PPARGC1A: variants seen among roughly 807,000 people sequenced by gnomAD.
PPARGC1A encodes PPARG coactivator 1 alpha, also known as peroxisome proliferator-activated receptor gamma coactivator 1-alpha.
Under a neutral mutation model 88.7 loss-of-function variants are expected in PPARGC1A, and 25 were observed. The observed-to-expected ratio is 0.28, with a 90% CI of 0.21 to 0.39. The LOEUF (loss-of-function observed/expected upper bound fraction) is 0.39, where lower values mean the gene tolerates loss of function less well. Among genes scored for constraint, PPARGC1A ranks in the 10% least tolerant of loss-of-function variants. PPARGC1A has a pLI of 1.00. For synonymous variants in PPARGC1A, 363 were observed against 355.6 expected, an observed-to-expected ratio of 1.02 and a Z score of -0.24; for missense variants, 880 against 968.7, an observed-to-expected ratio of 0.91 and a Z score of 1.22.
chr4:24,344,717 G>A, the PPARGC1A span, among the ~76,000 whole-genome samples: 1 of 151,878 alleles, frequency 6.6e-6, no homozygotes, highest in African/African-American at 2.4e-5. Context: ...TCTTTACTCT[G>A]CTGACTCTTC....
the PPARGC1A span, among the ~76,000 whole-genome samples, chr4:24,102,687 T>C: frequency 1.3e-5 from 2 of 152,180 alleles, no homozygotes; most frequent in East Asian, 1.9e-4. Flanking sequence ...TTCCACCTCA[T>C]TGGAAGACAT....
At chr4:24,289,369 G>T in the PPARGC1A span, among the ~76,000 whole-genome samples, 1 of 152,124 alleles carries the variant, frequency 6.6e-6, no homozygotes, top group Non-Finnish European at 1.5e-5. Context: ...ACTCTCAGGG[G>T]AGAGCTGAAC....
chr4:24,057,785 A>G, the PPARGC1A span, among the ~76,000 whole-genome samples: 1 of 152,242 alleles, frequency 6.6e-6, no homozygotes, highest in Non-Finnish European at 1.5e-5. Flanking sequence ...TGGAAGCTCA[A>G]TACAGGTAGC....
chr4:24,414,602 C>A, the PPARGC1A span, among the ~76,000 whole-genome samples: 1 of 152,160 alleles, frequency 6.6e-6, no homozygotes, highest in African/African-American at 2.4e-5. Flanking sequence ...AATACTGAGT[C>A]CTGACCCCAA....
the PPARGC1A span, among the ~76,000 whole-genome samples, chr4:23,924,093 C>T: frequency 6.6e-6 from 1 of 152,208 alleles, no homozygotes; most frequent in African/African-American, 2.4e-5. Context: ...TGCTGAATCA[C>T]TTACAGTGGT....
the PPARGC1A span, among the ~76,000 whole-genome samples, chr4:24,464,317 T>G: frequency 2.6e-5 from 4 of 152,264 alleles, no homozygotes; most frequent in Non-Finnish European, 5.9e-5. Context: ...GTGGTTGTTC[T>G]CATCCTAAGA....
chr4:24,176,897 T>C, the PPARGC1A span, among the ~76,000 whole-genome samples: 32 of 152,322 alleles, frequency 2.1e-4, no homozygotes, highest in African/African-American at 7.5e-4. Context: ...CTCATCTTTT[T>C]TGAAACTTAA....
At chr4:23,963,064 C>T in the PPARGC1A span, among the ~76,000 whole-genome samples, 1 of 152,126 alleles carries the variant, frequency 6.6e-6, no homozygotes, top group South Asian at 2.1e-4. Context: ...CAGTGCCTTT[C>T]CAATGGGGGC....
At chr4:23,909,310 TA>T in the PPARGC1A span, among the ~76,000 whole-genome samples, 1 of 152,160 alleles carries the variant, frequency 6.6e-6, no homozygotes, top group African/African-American at 2.4e-5. Context: ...AGATCAAATA[TA>T]ATAGTCTTTT....
chr4:24,443,722 A>ATT, the PPARGC1A span, among the ~76,000 whole-genome samples: 35,402 of 143,288 alleles, frequency 0.25, 4,981 homozygotes, highest in Non-Finnish European at 0.32. Flanking sequence ...TGCCCGGCTA[A>ATT]TTTTTTTTTT....
rs141485199 is a variant in PPARGC1A, at chr4:23,826,346, A to G, written c.758-1838T>C. Among the ~76,000 whole-genome samples, 166 of 152,270 alleles carry G rather than the reference A, an allele frequency of 1.1e-3. 2 individuals carry two copies. The East Asian group carries it at 0.028, about 25-fold the overall frequency. On this transcript the variant is annotated intron_variant, in intron 5 of 12. Coordinates refer to ENST00000264867, the MANE Select transcript of PPARGC1A (RefSeq NM_013261.5). ...TCCAGTGACTGGTAGACCAGAGACT[A>G]GTAGGATCCTTAAAGTCAGGAATGT...
chr4:24,088,211 C>T, the PPARGC1A span, among the ~76,000 whole-genome samples: 1 of 151,818 alleles, frequency 6.6e-6, no homozygotes, highest in African/African-American at 2.4e-5. Context: ...TAAAAATTAG[C>T]CAGATGTGAG....
chr4:24,422,240 A>C, the PPARGC1A span, among the ~76,000 whole-genome samples: 1 of 152,246 alleles, frequency 6.6e-6, no homozygotes, highest in African/African-American at 2.4e-5. Flanking sequence ...CATGTGGCTC[A>C]TGAAGCCTAT....
the PPARGC1A span, among the ~76,000 whole-genome samples, chr4:24,246,673 G>C: frequency 6.6e-6 from 1 of 152,154 alleles, no homozygotes; most frequent in Non-Finnish European, 1.5e-5. Context: ...TTTGGGGTAA[G>C]ATGTAAGGTT....
intron 2 of PPARGC1A, among the ~76,000 whole-genome samples, chr4:23,870,738 T>C (rs1046605932): frequency 6.6e-6 from 1 of 152,180 alleles, no homozygotes; most frequent in Admixed American, 6.5e-5. Context: ...TTAAAAACAG[T>C]GTACTTCTCA....
chr4:24,335,205 C>T, the PPARGC1A span, among the ~76,000 whole-genome samples: 2 of 152,280 alleles, frequency 1.3e-5, no homozygotes, highest in Admixed American at 1.3e-4. Flanking sequence ...CCCAAATGAG[C>T]ACATAGTATG....
the PPARGC1A span, among the ~76,000 whole-genome samples, chr4:24,282,945 G>T: frequency 6.6e-6 from 1 of 152,170 alleles, no homozygotes; most frequent in Admixed American, 6.5e-5. Flanking sequence ...ACCTTCAGGG[G>T]ACCTAACCGT....
intron 5 of PPARGC1A, 137 bp downstream of exon 5, chr4:23,828,263 T>C: frequency 1.1e-6 from 1 of 892,992 alleles, no homozygotes; most frequent in Non-Finnish European, 1.8e-6. Context: ...CCCCGCTCTG[T>C]AATAAGTGCT....
the PPARGC1A span, among the ~76,000 whole-genome samples, chr4:23,973,146 A>G: frequency 1.8e-3 from 273 of 152,284 alleles, 1 homozygote; most frequent in South Asian, 0.013. Flanking sequence ...CAGCATTTTT[A>G]TCACTGGCCA....
Sources: gnomAD v4.1 joint callset for allele counts (sites outside exome capture counted in the v4.1 genomes callset) on GRCh38, gnomAD v4.1.1 for gene constraint, MANE v1.5 for transcripts, NCBI Gene and HGNC (gene_info 2026-07-23, HGNC 2026-07-21) for gene names.